The following RTCA variants were observed in gnomAD, a reference collection of about 807,000 sequenced individuals.
The protein encoded by RTCA is RNA 3'-terminal phosphate cyclase, also known as RNA terminal phosphate cyclase domain 1.
In RTCA, 37 loss-of-function variants were observed where a neutral mutation model predicts 46.1. That is an observed-to-expected ratio of 0.80 (90% CI 0.62 to 1.06). The LOEUF is 1.06. Ranked by LOEUF, RTCA falls within the 50% of genes least tolerant of loss-of-function variation. RTCA has a pLI of 0.00. For synonymous variants in RTCA, 164 were observed against 158.3 expected (o/e 1.04, Z -0.27); for missense variants, 435 against 455.5 (o/e 0.95, Z 0.41).
chr1:100,283,245 AC>A (rs1666817799), intron 8 of RTCA, among the ~76,000 whole-genome samples: 1 of 142,216 alleles, frequency 7.0e-6, no homozygotes, highest in Non-Finnish European at 1.5e-5. Context: ...ATCTCAGCTC[AC>A]CATAACCTCC....
chr1:100,269,085 G>C (rs553583554), intron 3 of RTCA, among the ~76,000 whole-genome samples: 4 of 151,020 alleles, frequency 2.6e-5, no homozygotes, highest in African/African-American at 9.7e-5. Flanking sequence ...GGTACATGCC[G>C]GTAGTCCCAT....
intron 6 of RTCA, 88 bp downstream of exon 6, chr1:100,275,053 C>T: frequency 8.2e-7 from 1 of 1,218,974 alleles, no homozygotes; most frequent in Non-Finnish European, 1.1e-6. Context: ...ATTGAGAGAA[C>T]TTAACATTTT....
chr1:100,270,808 T>G (rs1045696630), intron 4 of RTCA, 128 bp downstream of exon 4: 3 of 1,197,008 alleles, frequency 2.5e-6, no homozygotes, highest in Admixed American at 2.4e-5. Context: ...CTTTTCTTTC[T>G]TTCTTTCTTT....
intron 4 of RTCA, among the ~76,000 whole-genome samples, 183 bp downstream of exon 4, chr1:100,270,863 A>G (rs1432986425): frequency 2.0e-5 from 3 of 151,160 alleles, no homozygotes; most frequent in African/African-American, 4.9e-5. Flanking sequence ...GTACAGTTGC[A>G]TATCACAGCT....
intron 8 of RTCA, among the ~76,000 whole-genome samples, chr1:100,278,487 A>G (rs1417961043): frequency 2.0e-5 from 3 of 152,302 alleles, no homozygotes; most frequent in Non-Finnish European, 4.4e-5. Flanking sequence ...AATGCTTACC[A>G]AGCTGGGCAC....
chr1:100,286,621 C>T (rs752019935), intron 9 of RTCA, among the ~76,000 whole-genome samples: 1 of 151,966 alleles, frequency 6.6e-6, no homozygotes, highest in East Asian at 1.9e-4. Flanking sequence ...CAGTAGTGTC[C>T]ACATTTAGAA....
intron 2 of RTCA, chr1:100,267,671 G>A: frequency 2.5e-6 from 2 of 799,156 alleles, no homozygotes; most frequent in Non-Finnish European, 1.8e-6. Context: ...TTTTTATAAG[G>A]ACACCAGTAA....
intron 7 of RTCA, among the ~76,000 whole-genome samples, chr1:100,276,749 T>C (rs936004311): frequency 7.2e-5 from 11 of 152,360 alleles, no homozygotes; most frequent in Non-Finnish European, 1.3e-4. Context: ...ACAAATTCTT[T>C]AACTGATGTT....
intron 2 of RTCA, chr1:100,267,293 CTT>C: frequency 2.2e-6 from 1 of 455,084 alleles, no homozygotes; most frequent in Non-Finnish European, 3.8e-6. Flanking sequence ...CGGTCTCAGT[CTT>C]TTGTCTACAG....
chr1:100,280,472 G>T (rs1666646809), intron 8 of RTCA, among the ~76,000 whole-genome samples: 1 of 152,140 alleles, frequency 6.6e-6, no homozygotes, highest in African/African-American at 2.4e-5. Flanking sequence ...TAGACTTAGG[G>T]TGTTAGGAGA....
At chr1:100,266,503 C>T in intron 1 of RTCA, 21 bp from the exon 2 acceptor site, 1 of 1,611,380 alleles carries the variant, frequency 6.2e-7, no homozygotes, top group Non-Finnish European at 8.5e-7. Context: ...TTCTCTTCTC[C>T]CTGTACCCCA....
At chr1:100,269,521 A>G (rs913810308) in intron 3 of RTCA, among the ~76,000 whole-genome samples, 8 of 152,028 alleles carry the variant, frequency 5.3e-5, no homozygotes, top group Non-Finnish European at 8.8e-5. Flanking sequence ...TTTTGTAAAG[A>G]TGGAGTCTCA....
chr1:100,273,257 C>A, intron 4 of RTCA, 137 bp from the exon 5 acceptor site: 2 of 487,254 alleles, frequency 4.1e-6, no homozygotes, highest in South Asian at 3.1e-5. Context: ...AAAATGGAAC[C>A]AGCCTACATA....
intron 9 of RTCA, among the ~76,000 whole-genome samples, chr1:100,286,418 G>GCACTC (rs912947339): frequency 5.5e-5 from 7 of 127,292 alleles, no homozygotes; most frequent in African/African-American, 2.2e-4. Flanking sequence ...ATGCGCCACT[G>GCACTC]CACTCCAGCC....
At chr1:100,287,862 C>T (rs1286675935) in intron 10 of RTCA, among the ~76,000 whole-genome samples, 3 of 149,756 alleles carry the variant, frequency 2.0e-5, no homozygotes, top group African/African-American at 7.4e-5. Flanking sequence ...GGCATGATCT[C>T]GGCTCACTGC....
chr1:100,282,521 T>C (rs957944163), intron 8 of RTCA, among the ~76,000 whole-genome samples: 2 of 152,220 alleles, frequency 1.3e-5, no homozygotes, highest in Non-Finnish European at 2.9e-5. Context: ...TAGCACTTAA[T>C]TATCCTCTAA....
At chr1:100,266,448 T>A (rs1665779291) in intron 1 of RTCA, 28 bp downstream of exon 1, 1 of 1,609,002 alleles carries the variant, frequency 6.2e-7, no homozygotes, top group African/African-American at 1.3e-5. Flanking sequence ...CGGCCGGGGC[T>A]GCAGCCTAAC....
In RTCA at chr1:100,291,576, G is replaced by C. The variant is rs1056624095; in HGVS notation, c.*72G>C. The C allele has an allele frequency of 4.3e-6, 4 of 936,500 alleles. No individual in the cohort carries two copies. The highest frequency in any genetic ancestry group is 6.6e-6 in the Non-Finnish European group (4 of 607,508). The allele number at this position is 936,500 out of a possible 1,614,324, so 58.0% of individuals were successfully genotyped here. ...CATAAATACTATAAAATAATGACTAGGAAGTAACTTATTAAAGGCTATGAC... is the reference window on the plus strand; with the variant it reads ...CATAAATACTATAAAATAATGACTACGAAGTAACTTATTAAAGGCTATGAC... On this transcript the variant is annotated 3_prime_UTR_variant, in exon 11 of 11. Transcript: ENST00000370128.
intron 8 of RTCA, 134 bp from the exon 9 acceptor site, chr1:100,285,094 G>A (rs1666943484): frequency 1.1e-5 from 7 of 627,492 alleles, no homozygotes; most frequent in Non-Finnish European, 2.0e-5. Flanking sequence ...ATTCTAAAAG[G>A]TGCATTGAGT....
Sources: allele counts gnomAD v4.1 joint callset (sites outside exome capture counted in the v4.1 genomes callset), GRCh38; gene constraint gnomAD v4.1.1; transcripts MANE v1.5; gene names NCBI Gene and HGNC (gene_info 2026-07-23, HGNC 2026-07-21).